Variants in C1orf167 observed in about 807,000 individuals in gnomAD.
C1orf167 encodes the protein uncharacterized protein C1orf167.
C1orf167 carries 153 observed loss-of-function variants against 176.5 expected under a neutral mutation model. The ratio of observed to expected loss-of-function variants is 0.87; its 90% CI spans 0.76 to 0.99. The LOEUF is 0.99. Ranked by LOEUF, C1orf167 falls within the 50% of genes least tolerant of loss-of-function variation. The probability of loss-of-function intolerance (pLI) is 0.00; values close to 1 mark genes in which losing one functional copy is unlikely to be tolerated. For missense variants in C1orf167, 1,490 were observed against 1,817.7 expected (o/e 0.82, Z 3.28); for synonymous variants, 594 against 752.7 (o/e 0.79, Z 3.45).
At chr1:11,779,682 CAG>C (rs892071570) in intron 12 of C1orf167, 118 bp from the exon 13 acceptor site, 1 of 759,136 alleles carries the variant, frequency 1.3e-6, no homozygotes, top group African/African-American at 1.8e-5. Context: ...ATAATGGAAA[CAG>C]AAGAGTCACC....
chr1:11,782,713 G>T (rs1247738514), intron 14 of C1orf167, among the ~76,000 whole-genome samples: 1 of 152,088 alleles, frequency 6.6e-6, no homozygotes, highest in Non-Finnish European at 1.5e-5. Flanking sequence ...TTGAGATCAG[G>T]AGTTCGAGAC....
At chr1:11,785,043 T>C in intron 15 of C1orf167, 105 bp from the exon 16 acceptor site, 5 of 1,031,758 alleles carry the variant, frequency 4.8e-6, no homozygotes, top group Non-Finnish European at 6.2e-6. Flanking sequence ...GGCCCCAGCC[T>C]GGGGCTGGGC....
rs113451132 is a variant in C1orf167 at position 11,763,649 on chromosome 1, G to C, written c.-70-682G>C. Among the ~76,000 whole-genome samples, 944 of 152,314 alleles carry C rather than the reference G, an allele frequency of 6.2e-3. 1 individual carries two copies. Among genetic ancestry groups the C allele is most frequent in the South Asian group, 0.016 (75 of 4,830 alleles). ...CTCACGGGGCATTGAGGGGGCTGGA[G>C]AGCTTCTGTGGCATTAGAGTTGAGG... On this transcript the variant is annotated intron_variant, in intron 1 of 20. Coordinates refer to ENST00000688073, the MANE Select transcript of C1orf167 (RefSeq NM_001010881.2).
chr1:11,787,529 T>C, intron 17 of C1orf167, 36 bp downstream of exon 17: 1 of 1,264,572 alleles, frequency 7.9e-7, no homozygotes, highest in Non-Finnish European at 1.0e-6. Context: ...AAACGGTGTC[T>C]GAAGTGCAGG....
In C1orf167 at chr1:11,788,065, T is replaced by C. The variant is rs888812627; in HGVS notation, c.3848+18T>C. On this transcript the variant is annotated intron_variant, in intron 18 of 20. Transcript: ENST00000688073. ...AGGCTACGGTAAGAGGAGCTGTGTGTGCAGTTTGGTGGGTCCGAGGGATGG... is the reference window on the plus strand; with the variant it reads ...AGGCTACGGTAAGAGGAGCTGTGTGCGCAGTTTGGTGGGTCCGAGGGATGG... 8 of 1,286,254 alleles carry C rather than the reference T, an allele frequency of 6.2e-6. No homozygotes were observed. The highest frequency in any genetic ancestry group is 5.0e-5 in the South Asian group (4 of 79,328). The allele number at this position is 1,286,254 out of a possible 1,614,324, so 79.7% of individuals were successfully genotyped here. A position where few individuals can be genotyped will look rare whatever the true frequency, so the allele number is the denominator to read the frequency against.
At chr1:11,783,819 G>A (rs1643701405) in intron 14 of C1orf167, among the ~76,000 whole-genome samples, 1 of 152,124 alleles carries the variant, frequency 6.6e-6, no homozygotes, top group Admixed American at 6.6e-5. Flanking sequence ...TTGACTCTGA[G>A]AACGAGACAA....
chr1:11,765,958 C>A lies in C1orf167; in HGVS notation c.172C>A (p.Pro58Thr). 7.9e-7 allele frequency: 1 copy of A among 1,272,694 alleles called. No homozygotes were observed. The highest frequency in any genetic ancestry group is 1.0e-6 in the Non-Finnish European group (1 of 977,942). 78.8% of individuals were successfully genotyped at this position (1,272,694 alleles called of 1,614,324 possible). ...GGAGAGGGGAGGGCCTGCTGCCACA[C>A]CCTCCCCAGGGGCAGTGCTAGACCA... ...QVERGGPAAT[P>T]SPGAVLDQEP... The change falls in exon 3 of 21, where the codon CCC (proline) becomes ACC (threonine). Residue 58 changes from proline (P) to threonine (T), a missense_variant. Physicochemically the swap from Pro to Thr is conservative, Grantham distance 38. Coordinates refer to ENST00000688073, the MANE Select transcript of C1orf167 (RefSeq NM_001010881.2).
At chr1:11,787,740 G>A in intron 17 of C1orf167, 133 bp from the exon 18 acceptor site, 1 of 1,142,658 alleles carries the variant, frequency 8.8e-7, no homozygotes, top group Non-Finnish European at 1.1e-6. Flanking sequence ...CTGGGGAGAT[G>A]GGGGCAGGGC....
Position 11,784,205 on chromosome 1 carries a change from G to A in C1orf167, c.3037G>A (p.Asp1013Asn), listed in dbSNP as rs1190807095. ...YFQAWCEVVR[D>N]TGVLRAQHQA... ...CCAGGCCTGGTGTGAGGTTGTAAGA[G>A]ACACGGGGGTGCTCCGGGCCCAGCA... Residue 1013 changes from aspartate to asparagine, a missense_variant, in exon 15 of 21, where the codon GAC becomes AAC. By Grantham distance (23) the Asp-to-Asn change is conservative (BLOSUM62 1). Coordinates refer to ENST00000688073, the MANE Select transcript of C1orf167 (RefSeq NM_001010881.2). The A allele has an allele frequency of 7.9e-7, 1 of 1,262,104 alleles. No individual in the cohort carries two copies. Among genetic ancestry groups the A allele is most frequent in the African/African-American group, 1.5e-5 (1 of 65,092 alleles). 78.2% of individuals were successfully genotyped at this position (1,262,104 alleles called of 1,614,324 possible). A position where few individuals can be genotyped will look rare whatever the true frequency, so the allele number is the denominator to read the frequency against.
chr1:11,788,412 C>A, intron 19 of C1orf167, 34 bp downstream of exon 19: 1 of 1,270,220 alleles, frequency 7.9e-7, no homozygotes, highest in Non-Finnish European at 1.0e-6. Context: ...CACTGACCAT[C>A]TCCCATTTCA....
At chr1:11,783,436 G>A (rs935396289) in intron 14 of C1orf167, among the ~76,000 whole-genome samples, 3 of 151,998 alleles carry the variant, frequency 2.0e-5, no homozygotes, top group African/African-American at 4.8e-5. Flanking sequence ...TAGTAGAGAC[G>A]GGGTTTCTCC....
chr1:11,776,647 C>T lies in C1orf167; in HGVS notation c.2339+9C>T. On this transcript the variant is annotated intron_variant, in intron 10 of 20. Transcript: ENST00000688073. Reference sequence around the variant, plus strand: ...CAGCGCCAGTGGGCCAAGTAGGTGTCCTCGAGCTTGTGACCTGGGGTTGGG... The same window carrying T: ...CAGCGCCAGTGGGCCAAGTAGGTGTTCTCGAGCTTGTGACCTGGGGTTGGG... 1 of 1,195,576 alleles carries T rather than the reference C, an allele frequency of 8.4e-7. No homozygotes were observed. Among genetic ancestry groups the T allele is most frequent in the Non-Finnish European group, 1.1e-6 (1 of 937,212 alleles). 74.1% of individuals were successfully genotyped at this position (1,195,576 alleles called of 1,614,324 possible).
intron 9 of C1orf167, among the ~76,000 whole-genome samples, chr1:11,776,149 C>T (rs192189538): frequency 1.0e-3 from 156 of 152,242 alleles, no homozygotes; most frequent in African/African-American, 3.6e-3. Context: ...TCCAGCTACT[C>T]GGGAGGCTGA....
chr1:11,775,130 CA>C (rs61464741), intron 8 of C1orf167, among the ~76,000 whole-genome samples: 101,386 of 151,658 alleles, frequency 0.67, 34,868 homozygotes, highest in East Asian at 0.88. Context: ...ACTAAAAATA[CA>C]AAAAAAAATT....
intron 10 of C1orf167, chr1:11,778,047 G>C (rs1643404572): frequency 6.6e-6 from 1 of 152,186 alleles, no homozygotes; most frequent in Non-Finnish European, 1.5e-5. Flanking sequence ...CCCTGAGCCT[G>C]GGGACCAGCT....
chr1:11,765,893 T>A lies in C1orf167; in HGVS notation c.107T>A (p.Leu36Gln). The change falls in exon 3 of 21, where the codon CTG becomes CAG. Residue 36 changes from leucine (L) to glutamine (Q), a missense_variant. Coordinates refer to ENST00000688073, the MANE Select transcript of C1orf167 (RefSeq NM_001010881.2). ...RRFRRSLGIGLSGRHDQWVPG... is the reference protein window; with the variant it reads ...RRFRRSLGIGQSGRHDQWVPG... ...TTCCGGAGGAGCCTGGGCATCGGCCTGAGTGGTAGACATGACCAGTGGGTG... is the reference window on the plus strand; with the variant it reads ...TTCCGGAGGAGCCTGGGCATCGGCCAGAGTGGTAGACATGACCAGTGGGTG... 1 of 1,205,160 alleles carries A rather than the reference T, an allele frequency of 8.3e-7. No homozygotes were observed. Among genetic ancestry groups the A allele is most frequent in the South Asian group, 1.5e-5 (1 of 66,780 alleles). 74.7% of individuals were successfully genotyped at this position (1,205,160 alleles called of 1,614,324 possible). A position where few individuals can be genotyped will look rare whatever the true frequency, so the allele number is the denominator to read the frequency against.
chr1:11,784,973 C>T (rs1643779785), intron 15 of C1orf167, among the ~76,000 whole-genome samples, 175 bp from the exon 16 acceptor site: 1 of 152,194 alleles, frequency 6.6e-6, no homozygotes. Flanking sequence ...CCTTCCAGGT[C>T]GCTCTCCATC....
In C1orf167 at chr1:11,778,667, T is replaced by C; in HGVS notation, c.2347T>C (p.Phe783Leu). The change falls in exon 11 of 21, where the codon TTC becomes CTC. Residue 783 changes from phenylalanine (F) to leucine (L), a missense_variant. By Grantham distance (22) the Phe-to-Leu change is conservative. Transcript: ENST00000688073. ...CACCTGCCCCTTCTCTAGCTCCTTCTTCCAGGGCCTGCAGCAGCGGATGCT... is the reference window on the plus strand; with the variant it reads ...CACCTGCCCCTTCTCTAGCTCCTTCCTCCAGGGCCTGCAGCAGCGGATGCT... ...LFQRQWANSFFQGLQQRMLQR... is the reference protein window; with the variant it reads ...LFQRQWANSFLQGLQQRMLQR... 1 of 1,296,464 alleles carries C rather than the reference T, an allele frequency of 7.7e-7. No individual in the cohort carries two copies. The highest frequency in any genetic ancestry group is 1.0e-6 in the Non-Finnish European group (1 of 982,902). 80.3% of individuals were successfully genotyped at this position (1,296,464 alleles called of 1,614,324 possible).
At chr1:11,767,917 G>A (rs1401938911) in intron 4 of C1orf167, among the ~76,000 whole-genome samples, 160 bp from the exon 5 acceptor site, 1 of 152,144 alleles carries the variant, frequency 6.6e-6, no homozygotes, top group Non-Finnish European at 1.5e-5. Flanking sequence ...CCATCAGTAA[G>A]AGGGAAGTTC....
Sources: gnomAD v4.1 joint callset for allele counts (sites outside exome capture counted in the v4.1 genomes callset) on GRCh38, gnomAD v4.1.1 for gene constraint, MANE v1.5 for transcripts, NCBI Gene and HGNC (gene_info 2026-07-23, HGNC 2026-07-21) for gene names.